The following NRXN3 variants were observed in gnomAD, a reference collection of about 807,000 sequenced individuals.
NRXN3 encodes neurexin 3.
Under a neutral mutation model 137.6 loss-of-function variants are expected in NRXN3, and 32 were observed. That is an observed-to-expected ratio of 0.23 (90% confidence interval 0.18 to 0.31). NRXN3 has a LOEUF of 0.31. Ranked by LOEUF, NRXN3 falls within the 10% of genes least tolerant of loss-of-function variation. NRXN3 has a pLI of 1.00. For missense variants in NRXN3, 1,574 were observed against 2,062.5 expected, an observed-to-expected ratio of 0.76 and a Z score of 4.59; for synonymous variants, 798 against 784.5, an observed-to-expected ratio of 1.02 and a Z score of -0.29.
chr14:79,825,205 GCTTTTTTT>G lies in NRXN3; in HGVS notation c.4093+20016_4093+20023del, dbSNP rs1281847455. Among the ~76,000 whole-genome samples, 24 of 66,672 alleles carry G rather than the reference GCTTTTTTT, an allele frequency of 3.6e-4. No individual in the cohort carries two copies. The Admixed American group carries it at 3.9e-3, about 11-fold the overall frequency. 43.7% of individuals were successfully genotyped at this position (66,672 alleles called of 152,430 possible). A position where few individuals can be genotyped will look rare whatever the true frequency, so the allele number is the denominator to read the frequency against. On this transcript the variant is annotated intron_variant, in intron 20 of 20. Transcript: ENST00000335750. ...CAATTGGTGAAATAATTCTTTGTGTGCTTTTTTTTTTTTTTTTTTTTACGGCCGTCCAA... is the reference window on the plus strand; with the variant it reads ...CAATTGGTGAAATAATTCTTTGTGTGTTTTTTTTTTTTTACGGCCGTCCAA...
intron 15 of NRXN3, among the ~76,000 whole-genome samples, chr14:79,128,882 A>G (rs1484867155): frequency 1.3e-5 from 2 of 151,832 alleles, no homozygotes; most frequent in Non-Finnish European, 2.9e-5. Flanking sequence ...TCAGAGATTC[A>G]ACTTCTTCCT....
At chr14:79,505,541 A>T (rs1601370955) in intron 16 of NRXN3, among the ~76,000 whole-genome samples, 1 of 152,330 alleles carries the variant, frequency 6.6e-6, no homozygotes, top group East Asian at 1.9e-4. Flanking sequence ...GACACCCCTA[A>T]CTTCATTGGT....
chr14:78,356,422 A>G (rs1287287083), intron 4 of NRXN3, among the ~76,000 whole-genome samples: 1 of 152,214 alleles, frequency 6.6e-6, no homozygotes, highest in African/African-American at 2.4e-5. Flanking sequence ...ACTTTCCTCA[A>G]TCCTAGAAAG....
intron 15 of NRXN3, among the ~76,000 whole-genome samples, chr14:79,140,531 A>G (rs766472866): frequency 3.3e-5 from 5 of 151,472 alleles, no homozygotes; most frequent in African/African-American, 4.9e-5. Flanking sequence ...TTTTTAAATC[A>G]TAAGAGCGCC....
At chr14:78,617,818 T>A (rs1012957961) in intron 4 of NRXN3, among the ~76,000 whole-genome samples, 3 of 151,926 alleles carry the variant, frequency 2.0e-5, no homozygotes, top group Non-Finnish European at 2.9e-5. Flanking sequence ...TATTAAAATG[T>A]ATATAAAGTT....
intron 10 of NRXN3, among the ~76,000 whole-genome samples, chr14:78,832,660 G>T (rs964596349): frequency 6.6e-6 from 1 of 152,090 alleles, no homozygotes; most frequent in African/African-American, 2.4e-5. Context: ...AGGCACCATT[G>T]TAAGCAAAAG....
chr14:79,497,540 C>T (rs1366601269), intron 16 of NRXN3, among the ~76,000 whole-genome samples: 3 of 152,084 alleles, frequency 2.0e-5, no homozygotes, highest in Admixed American at 6.6e-5. Context: ...TACTTTTTCC[C>T]ACAGATTTTA....
chr14:78,292,810 CA>C (rs1170080482), intron 3 of NRXN3, among the ~76,000 whole-genome samples: 1 of 152,134 alleles, frequency 6.6e-6, no homozygotes. Context: ...TTTCTTTTGG[CA>C]GCCCTGGAAT....
At chr14:78,811,994 T>A (rs1177831256) in intron 10 of NRXN3, among the ~76,000 whole-genome samples, 1 of 152,188 alleles carries the variant, frequency 6.6e-6, no homozygotes, top group East Asian at 1.9e-4. Flanking sequence ...TGTTCCTGTT[T>A]TTTTGGTTTG....
At position 78,221,244 on chromosome 14, in the gene NRXN3, G is replaced by A. The variant is rs117782112; in HGVS notation, c.-703-21147G>A. ...CTGTGAGTGAAGAGATTAGGGTGCCGTATAGCTTTGGTGAGGTTAGCAAGG... is the reference window on the plus strand; with the variant it reads ...CTGTGAGTGAAGAGATTAGGGTGCCATATAGCTTTGGTGAGGTTAGCAAGG... On this transcript the variant is annotated intron_variant, in intron 1 of 20. Transcript: ENST00000335750. 1.5e-3 allele frequency among the ~76,000 whole-genome samples: 225 copies of A among 152,242 alleles called. 1 individual carries two copies. Among genetic ancestry groups the A allele is most frequent in the Non-Finnish European group, 2.7e-3 (183 of 68,036 alleles).
chr14:79,130,218 A>T (rs1384254427), intron 15 of NRXN3, among the ~76,000 whole-genome samples: 1 of 151,094 alleles, frequency 6.6e-6, no homozygotes. Context: ...TGATCCTGTC[A>T]TTATGATGTT....
intron 15 of NRXN3, among the ~76,000 whole-genome samples, chr14:79,019,269 C>A (rs528087014): frequency 1.3e-5 from 2 of 152,138 alleles, no homozygotes; most frequent in Admixed American, 6.5e-5. Context: ...TATTCCAACA[C>A]CTGGTGCTTA....
At chr14:78,439,930 C>T (rs1214363788) in intron 4 of NRXN3, among the ~76,000 whole-genome samples, 1 of 152,190 alleles carries the variant, frequency 6.6e-6, no homozygotes, top group Non-Finnish European at 1.5e-5. Context: ...CTGATCTGGA[C>T]CCCAGGCCCC....
chr14:78,663,978 GCTTTTGTAAC>G (rs1219804431), intron 6 of NRXN3, among the ~76,000 whole-genome samples: 1 of 152,224 alleles, frequency 6.6e-6, no homozygotes, highest in African/African-American at 2.4e-5. Context: ...GTGTTGCGGT[GCTTTTGTAAC>G]CTTGTGTTCT....
chr14:78,794,761 G>A (rs77248496), intron 8 of NRXN3, among the ~76,000 whole-genome samples: 1,920 of 151,876 alleles, frequency 0.013, 41 homozygotes, highest in African/African-American at 0.044. Context: ...TTAAAATGAT[G>A]AACATGTACT....
intron 15 of NRXN3, among the ~76,000 whole-genome samples, chr14:79,216,259 G>A (rs1466043333): frequency 6.6e-6 from 1 of 152,168 alleles, no homozygotes. Context: ...TGGTGGCTGC[G>A]CTTCTGAGAG....
intron 4 of NRXN3, among the ~76,000 whole-genome samples, chr14:78,475,349 CAT>C (rs1381918195): frequency 1.3e-5 from 2 of 152,154 alleles, no homozygotes; most frequent in African/African-American, 2.4e-5. Flanking sequence ...TGTGTTAACA[CAT>C]AGGGGCAAGT....
In NRXN3 at chr14:79,240,295, A is replaced by G. The variant is rs560854216; in HGVS notation, c.3263-226926A>G. Among the ~76,000 whole-genome samples, 7 of 152,198 alleles carry G rather than the reference A, an allele frequency of 4.6e-5. No individual in the cohort carries two copies. The East Asian group carries it at 1.4e-3, about 29-fold the overall frequency. On this transcript the variant is annotated intron_variant, in intron 15 of 20. Coordinates refer to ENST00000335750, the MANE Select transcript of NRXN3 (RefSeq NM_001330195.2). The stretch of plus-strand genomic sequence containing the variant: ...ATATGCAAATGTATTCCTTATAGAA[A>G]AATGCACTCCTGCCCCCACCCCAGC...
At chr14:78,958,929 A>G (rs1378983799) in intron 11 of NRXN3, among the ~76,000 whole-genome samples, 1 of 152,194 alleles carries the variant, frequency 6.6e-6, no homozygotes, top group Non-Finnish European at 1.5e-5. Context: ...GGTCTAATAT[A>G]ATCATTGCCA....
Sources: allele counts gnomAD v4.1 joint callset (sites outside exome capture counted in the v4.1 genomes callset), GRCh38; gene constraint gnomAD v4.1.1; transcripts MANE v1.5; gene names NCBI Gene and HGNC (gene_info 2026-07-23, HGNC 2026-07-21).